ZNF385D: variants seen among roughly 807,000 people sequenced by gnomAD.
ZNF385D encodes the protein zinc finger protein 659.
A neutral mutation model predicts 35.8 loss-of-function variants in ZNF385D; 15 were observed. That is an observed-to-expected ratio of 0.42 (90% CI 0.28 to 0.64). ZNF385D has a LOEUF of 0.64. ZNF385D is among the 30% of genes least tolerant of loss of function. The pLI is 0.23. For synonymous variants in ZNF385D, 212 were observed against 186.8 expected, an observed-to-expected ratio of 1.13 and a Z score of -1.10; for missense variants, 474 against 494.6, an observed-to-expected ratio of 0.96 and a Z score of 0.39.
intron 1 of ZNF385D, among the ~76,000 whole-genome samples, chr3:21,668,810 T>C (rs1281741438): frequency 2.6e-5 from 4 of 152,194 alleles, no homozygotes; most frequent in Non-Finnish European, 1.5e-5. Context: ...ATATTCTCTT[T>C]GAGAAAATAG....
At chr3:21,560,579 G>A (rs771560039) in intron 3 of ZNF385D, among the ~76,000 whole-genome samples, 5 of 152,122 alleles carry the variant, frequency 3.3e-5, no homozygotes, top group Admixed American at 6.5e-5. Context: ...GGTGCCGGTC[G>A]GCCCCTACTG....
chr3:21,614,258 T>C (rs979259620), intron 2 of ZNF385D, among the ~76,000 whole-genome samples: 8 of 152,168 alleles, frequency 5.3e-5, no homozygotes, highest in African/African-American at 1.9e-4. Context: ...TGTCCTCACA[T>C]GGCCTTAACC....
intron 3 of ZNF385D, among the ~76,000 whole-genome samples, chr3:22,084,297 G>C (rs192832153): frequency 3.9e-5 from 6 of 152,158 alleles, no homozygotes; most frequent in African/African-American, 9.6e-5. Flanking sequence ...AAATTGGATA[G>C]AGTCAAGACT....
intron 2 of ZNF385D, among the ~76,000 whole-genome samples, chr3:22,367,354 T>C (rs990321783): frequency 2.0e-5 from 3 of 152,198 alleles, no homozygotes; most frequent in Admixed American, 2.0e-4. Flanking sequence ...CTTAAACTCA[T>C]ACTCTTAAAA....
chr3:21,625,451 A>G (rs1342901730), intron 2 of ZNF385D, among the ~76,000 whole-genome samples: 2 of 152,054 alleles, frequency 1.3e-5, no homozygotes, highest in Non-Finnish European at 2.9e-5. Context: ...GTCTGAATCC[A>G]GTCCTCTTAA....
chr3:21,974,548 C>A, intron 3 of ZNF385D, among the ~76,000 whole-genome samples: 2 of 152,016 alleles, frequency 1.3e-5, no homozygotes, highest in Non-Finnish European at 1.5e-5. Context: ...CAAGCACAAG[C>A]AACCAAAGCA....
chr3:22,014,007 A>C (rs979932213), intron 3 of ZNF385D, among the ~76,000 whole-genome samples: 1 of 152,204 alleles, frequency 6.6e-6, no homozygotes, highest in African/African-American at 2.4e-5. Context: ...GGCAGGACAG[A>C]TTGCAAAAAC....
chr3:21,799,416 T>C (rs1019937510), intron 3 of ZNF385D, among the ~76,000 whole-genome samples: 1 of 152,236 alleles, frequency 6.6e-6, no homozygotes, highest in Non-Finnish European at 1.5e-5. Flanking sequence ...CTCTACATCC[T>C]CATTAACACT....
rs1027356307 is a variant in ZNF385D at position 22,009,629 on chromosome 3, A to T, written c.325+159188T>A. 5.2e-5 allele frequency among the ~76,000 whole-genome samples: 5 copies of T among 95,516 alleles called. 1 individual carries two copies. The highest frequency in any genetic ancestry group is 4.0e-4 in the African/African-American group (5 of 12,576). The allele number at this position is 95,516 out of a possible 152,430, so 62.7% of individuals were successfully genotyped here. On this transcript the variant is annotated intron_variant, in intron 3 of 5. Coordinates refer to the ZNF385D transcript ENST00000494108. ...CAGAGTGAGACTCTGTCTCAAAAAA[A>T]AAAATAAAAAAAAAAAAGATTCAAT... is the stretch of plus-strand genomic sequence containing the variant.
intron 3 of ZNF385D, among the ~76,000 whole-genome samples, chr3:21,560,281 C>G (rs1466482393): frequency 6.6e-6 from 1 of 152,154 alleles, no homozygotes; most frequent in Non-Finnish European, 1.5e-5. Context: ...CTGGTTTCTC[C>G]CCATCTTCGT....
intron 1 of ZNF385D, among the ~76,000 whole-genome samples, chr3:21,746,106 G>A (rs534417513): frequency 5.9e-4 from 90 of 152,266 alleles, no homozygotes; most frequent in African/African-American, 1.8e-3. Flanking sequence ...TCAACGGAGC[G>A]TTCAGTCAAA....
chr3:21,797,180 G>A (rs892150152), intron 3 of ZNF385D, among the ~76,000 whole-genome samples: 14 of 152,136 alleles, frequency 9.2e-5, no homozygotes, highest in Admixed American at 3.3e-4. Flanking sequence ...CAAATACCTT[G>A]CCAGACACCT....
At chr3:21,762,136 T>A (rs961398283) in intron 3 of ZNF385D, among the ~76,000 whole-genome samples, 1 of 152,010 alleles carries the variant, frequency 6.6e-6, no homozygotes, top group Non-Finnish European at 1.5e-5. Context: ...CTCAGCCTCC[T>A]AAAGTGCTGG....
chr3:21,508,609 CA>C (rs1288219356), intron 4 of ZNF385D, among the ~76,000 whole-genome samples: 1 of 152,128 alleles, frequency 6.6e-6, no homozygotes, highest in Non-Finnish European at 1.5e-5. Context: ...ATTAAATCCT[CA>C]GTATAAAATG....
intron 3 of ZNF385D, among the ~76,000 whole-genome samples, chr3:22,003,961 A>C (rs1452330826): frequency 6.6e-6 from 1 of 151,500 alleles, no homozygotes; most frequent in Non-Finnish European, 1.5e-5. Context: ...GTAAAAAAAA[A>C]CAAAGCTGGA....
chr3:22,127,171 A>G (rs4858382), intron 3 of ZNF385D, among the ~76,000 whole-genome samples: 29,781 of 151,766 alleles, frequency 0.2, 3,221 homozygotes, highest in East Asian at 0.4. Flanking sequence ...TTGACATTCA[A>G]TGTTATTATT....
intron 3 of ZNF385D, among the ~76,000 whole-genome samples, chr3:22,145,010 A>ATGTG (rs36060381): frequency 0.19 from 27,941 of 148,860 alleles, 3,120 homozygotes; most frequent in East Asian, 0.47. Context: ...GAAGATACAT[A>ATGTG]TGTGTGTGTG....
chr3:21,947,700 A>C, intron 3 of ZNF385D, among the ~76,000 whole-genome samples: 1 of 152,048 alleles, frequency 6.6e-6, no homozygotes, highest in African/African-American at 2.4e-5. Context: ...TGCGTGTAAT[A>C]TCTCTATATG....
At chr3:21,853,089 T>C (rs181921507) in intron 3 of ZNF385D, among the ~76,000 whole-genome samples, 8 of 151,640 alleles carry the variant, frequency 5.3e-5, no homozygotes, top group African/African-American at 1.9e-4. Flanking sequence ...TTCAAAGAAA[T>C]TGAAAAGAGT....
Sources: allele counts gnomAD v4.1 joint callset (sites outside exome capture counted in the v4.1 genomes callset), GRCh38; gene constraint gnomAD v4.1.1; transcripts MANE v1.5; gene names NCBI Gene and HGNC (gene_info 2026-07-23, HGNC 2026-07-21).